Variants in ELP2 observed in about 807,000 individuals in gnomAD.
ELP2 encodes the protein elongator complex protein 2.
In ELP2, 90 loss-of-function variants were observed where a neutral mutation model predicts 119.2. The ratio of observed to expected loss-of-function variants is 0.75; its 90% CI spans 0.64 to 0.90. The LOEUF (loss-of-function observed/expected upper bound fraction) is 0.90. ELP2 is among the 40% of genes least tolerant of loss of function. The probability of loss-of-function intolerance (pLI) is 0.00; values close to 1 mark genes in which losing one functional copy is unlikely to be tolerated. For synonymous variants in ELP2, 339 were observed against 331.0 expected (o/e 1.02, Z -0.26); for missense variants, 921 against 967.8 (o/e 0.95, Z 0.64).
At chr18:36,164,140 A>T (rs2090823089) in intron 17 of ELP2, among the ~76,000 whole-genome samples, 1 of 151,888 alleles carries the variant, frequency 6.6e-6, no homozygotes, top group Non-Finnish European at 1.5e-5. Flanking sequence ...TTCCCCCTTC[A>T]TGTCACAGTT....
chr18:36,131,194 C>T (rs1475703967), intron 1 of ELP2, among the ~76,000 whole-genome samples: 1 of 152,184 alleles, frequency 6.6e-6, no homozygotes, highest in Non-Finnish European at 1.5e-5. Flanking sequence ...TATTCTCACA[C>T]CCTTTGGAGA....
chr18:36,143,008 C>T (rs1159427834), intron 8 of ELP2, 42 bp downstream of exon 8: 1 of 1,452,088 alleles, frequency 6.9e-7, no homozygotes, highest in Non-Finnish European at 9.5e-7. Flanking sequence ...ATACTTAGGT[C>T]TCCTAGTTGG....
intron 4 of ELP2, 178 bp from the exon 5 acceptor site, chr18:36,138,617 G>A: frequency 1.2e-6 from 1 of 862,590 alleles, no homozygotes; most frequent in Non-Finnish European, 1.8e-6. Context: ...AAGTCATTTT[G>A]CTGTCTGTAA....
intron 13 of ELP2, chr18:36,158,443 A>C (rs991469747): frequency 5.5e-6 from 1 of 181,722 alleles, no homozygotes; most frequent in Non-Finnish European, 1.2e-5. Context: ...GAGCATCATC[A>C]GGGGATGTGC....
intron 19 of ELP2, among the ~76,000 whole-genome samples, chr18:36,169,388 CTTT>C (rs34958735): frequency 8.5e-5 from 12 of 140,594 alleles, no homozygotes; most frequent in East Asian, 2.2e-4. Context: ...CTGATAAGTT[CTTT>C]TTTTTTTTTT....
intron 11 of ELP2, 100 bp downstream of exon 11, chr18:36,146,481 G>A (rs1011902240): frequency 3.8e-6 from 5 of 1,322,424 alleles, no homozygotes; most frequent in Non-Finnish European, 4.3e-6. Context: ...CATAGTAGAG[G>A]CACTTGAAGT....
chr18:36,152,094 G>T lies in ELP2; in HGVS notation c.1126-2756G>T, dbSNP rs1842584134. On this transcript the variant is annotated intron_variant, in intron 11 of 21. Transcript: ENST00000358232. The stretch of plus-strand genomic sequence containing the variant: ...GTTTTTTTCCAGCTACTCAGAGGCT[G>T]AGGTGGGAAGATCACTTGGGCCTGG... Among the ~76,000 whole-genome samples the T allele has an allele frequency of 2.0e-5, 3 of 151,562 alleles. No homozygotes were observed. In the South Asian group the frequency reaches 6.2e-4, roughly 32 times the overall value.
At position 36,153,473 on chromosome 18, in the gene ELP2, T is replaced by C. The variant is rs1027637743; in HGVS notation, c.1126-1377T>C. On this transcript the variant is annotated intron_variant, in intron 11 of 21. Transcript: ENST00000358232. ...GCAATCATTAACTTCTGTGAGCAAA[T>C]GTGTGGGGGTTTCTTCCCCGACACC... Among the ~76,000 whole-genome samples, 20 of 152,266 alleles carry C rather than the reference T, an allele frequency of 1.3e-4. No homozygotes were observed. In the East Asian group the frequency reaches 3.3e-3, roughly 25 times the overall value.
At chr18:36,147,853 T>C (rs1432597005) in intron 11 of ELP2, among the ~76,000 whole-genome samples, 1 of 152,208 alleles carries the variant, frequency 6.6e-6, no homozygotes, top group Non-Finnish European at 1.5e-5. Context: ...TTATTAACAC[T>C]TACTTTTTTT....
intron 13 of ELP2, among the ~76,000 whole-genome samples, chr18:36,157,902 T>C (rs1420982097): frequency 6.6e-6 from 1 of 152,192 alleles, no homozygotes; most frequent in Non-Finnish European, 1.5e-5. Flanking sequence ...GTTCTAGGAA[T>C]TGAAATGGGG....
intron 9 of ELP2, 54 bp downstream of exon 9, chr18:36,145,088 G>A: frequency 7.4e-7 from 1 of 1,357,418 alleles, no homozygotes. Flanking sequence ...TTATGGCACA[G>A]TAAGCTGACC....
chr18:36,139,731 A>G, intron 5 of ELP2: 1 of 834,962 alleles, frequency 1.2e-6, no homozygotes, highest in Non-Finnish European at 1.8e-6. Flanking sequence ...AAAGTCTCTT[A>G]TCTAGCAGAG....
intron 8 of ELP2, among the ~76,000 whole-genome samples, chr18:36,144,648 T>G (rs561169024): frequency 6.6e-6 from 1 of 152,328 alleles, no homozygotes; most frequent in Non-Finnish European, 1.5e-5. Context: ...TCATTGTGGT[T>G]TAACAAAAGT....
chr18:36,130,461 C>G (rs1352827666), intron 1 of ELP2, among the ~76,000 whole-genome samples: 5 of 152,212 alleles, frequency 3.3e-5, no homozygotes, highest in Non-Finnish European at 5.9e-5. Flanking sequence ...AATCTCATTT[C>G]AGTATTTCCT....
At chr18:36,134,481 T>C (rs2089755731) in intron 2 of ELP2, among the ~76,000 whole-genome samples, 1 of 152,234 alleles carries the variant, frequency 6.6e-6, no homozygotes, top group Non-Finnish European at 1.5e-5. Context: ...TTGGAAACCA[T>C]TGGGGTTTTT....
chr18:36,148,683 A>C lies in ELP2; in HGVS notation c.1125+2302A>C, dbSNP rs141765396. On this transcript the variant is annotated intron_variant, in intron 11 of 21. Coordinates refer to ENST00000358232, the MANE Select transcript of ELP2 (RefSeq NM_018255.4). ...AGGCCAGCCTGGGCAACATAGGGAG[A>C]CCCTGTCTGTACCAATAATTTTAAA... 3.9e-3 allele frequency among the ~76,000 whole-genome samples: 594 copies of C among 152,050 alleles called. 9 individuals carry two copies. The highest frequency in any genetic ancestry group is 0.014 in the African/African-American group (570 of 41,458).
intron 6 of ELP2, among the ~76,000 whole-genome samples, 182 bp from the exon 7 acceptor site, chr18:36,142,099 T>TA (rs2090050586): frequency 6.6e-6 from 1 of 152,224 alleles, no homozygotes; most frequent in Non-Finnish European, 1.5e-5. Context: ...GTGCTCCAGT[T>TA]AGTGATTTAG....
chr18:36,145,859 C>G, intron 9 of ELP2, 89 bp from the exon 10 acceptor site: 1 of 1,044,760 alleles, frequency 9.6e-7, no homozygotes, highest in Non-Finnish European at 1.5e-6. Flanking sequence ...AACATCCTTG[C>G]AGTACCCATG....
intron 3 of ELP2, chr18:36,136,598 C>T (rs1231987265): frequency 1.9e-5 from 10 of 536,594 alleles, no homozygotes; most frequent in Non-Finnish European, 3.3e-5. Flanking sequence ...ACTTTGTTGC[C>T]CAGGCTGGTC....
Sources: allele counts gnomAD v4.1 joint callset (sites outside exome capture counted in the v4.1 genomes callset), GRCh38; gene constraint gnomAD v4.1.1; transcripts MANE v1.5; gene names NCBI Gene and HGNC (gene_info 2026-07-23, HGNC 2026-07-21).